Variants in UNC79 observed in about 807,000 individuals in gnomAD.
The protein encoded by UNC79 is protein unc-79 homolog.
In UNC79, 37 loss-of-function variants were observed where a neutral mutation model predicts 283.1. The observed-to-expected ratio is 0.13, with a 90% CI of 0.10 to 0.17. The LOEUF (loss-of-function observed/expected upper bound fraction) is 0.17, where lower values mean the gene tolerates loss of function less well. Ranked by LOEUF, UNC79 falls within the 10% of genes least tolerant of loss-of-function variation. UNC79 has a pLI of 1.00. For missense variants in UNC79, 2,272 were observed against 3,211.1 expected, an observed-to-expected ratio of 0.71 and a Z score of 7.07; for synonymous variants, 1,107 against 1,200.2, an observed-to-expected ratio of 0.92 and a Z score of 1.61.
At chr14:93,482,974 A>G (rs778663807) in intron 4 of UNC79, among the ~76,000 whole-genome samples, 3 of 152,004 alleles carry the variant, frequency 2.0e-5, no homozygotes, top group African/African-American at 4.8e-5. Flanking sequence ...TTCAATTACT[A>G]CATCTCCTTG....
intron 1 of UNC79, among the ~76,000 whole-genome samples, chr14:93,366,863 G>A (rs1179653169): frequency 2.0e-5 from 3 of 152,138 alleles, no homozygotes; most frequent in Non-Finnish European, 2.9e-5. Flanking sequence ...GTGAGCCACC[G>A]TGCCCAGCCT....
intron 1 of UNC79, among the ~76,000 whole-genome samples, chr14:93,372,243 A>G (rs1459332947): frequency 6.6e-6 from 1 of 152,230 alleles, no homozygotes; most frequent in African/African-American, 2.4e-5. Context: ...TTATGTTCAT[A>G]TGTGTATAAG....
chr14:93,637,376 G>A (rs1014285719), intron 32 of UNC79, 77 bp downstream of exon 35: 1 of 1,578,644 alleles, frequency 6.3e-7, no homozygotes, highest in Non-Finnish European at 8.6e-7. Flanking sequence ...CACCCAGCAG[G>A]TGCAGGCTTT....
At chr14:93,694,020 A>G (rs766850912) in intron 46 of UNC79, among the ~76,000 whole-genome samples, 100 of 152,324 alleles carry the variant, frequency 6.6e-4, no homozygotes, top group Middle Eastern at 3.4e-3. Flanking sequence ...TTAGAAATGA[A>G]GGCAACAGAG....
intron 1 of UNC79, among the ~76,000 whole-genome samples, chr14:93,377,364 G>A (rs2054583050): frequency 6.6e-6 from 1 of 152,104 alleles, no homozygotes; most frequent in Non-Finnish European, 1.5e-5. Flanking sequence ...AAAGTGCTGG[G>A]ATTACAGGTG....
chr14:93,570,709 A>G (rs2063163154), intron 14 of UNC79, among the ~76,000 whole-genome samples: 1 of 152,198 alleles, frequency 6.6e-6, no homozygotes. Context: ...ATGGGTAATT[A>G]GGACATTTGC....
chr14:93,430,912 A>G lies in UNC79; in HGVS notation c.-118A>G. 2.6e-6 allele frequency: 1 copy of G among 389,452 alleles called. No individual in the cohort carries two copies. The highest frequency in any genetic ancestry group is 4.9e-6 in the Non-Finnish European group (1 of 205,092). The allele number at this position is 389,452 out of a possible 1,614,324, so 24.1% of individuals were successfully genotyped here. On this transcript the variant is annotated 5_prime_UTR_variant, in exon 1 of 49. Coordinates refer to ENST00000555664, the Ensembl canonical transcript of UNC79. The surrounding 1 kb of genome is among the most constrained non-coding windows in gnomAD (Gnocchi z 4.6). ...AGCGACACGGGCCTAAGGGAGGGGG[A>G]AAGCGAGGGGGTGGGGGGTGGGGGG...
At chr14:93,454,811 C>G (rs1426998458) in intron 1 of UNC79, among the ~76,000 whole-genome samples, 1 of 152,136 alleles carries the variant, frequency 6.6e-6, no homozygotes, top group African/African-American at 2.4e-5. Flanking sequence ...TGCTGCCTAA[C>G]TTGTTGCTAA....
Position 93,474,128 on chromosome 14 carries a change from C to T in UNC79, c.183C>T (p.Ala61=). The change falls in exon 3 of 49, where the codon GCC becomes GCT. Residue 61 remains alanine (A), a synonymous_variant. Transcript: ENST00000555664. This position sits in a 1 kb window ranked among gnomAD's most constrained non-coding sequence, Gnocchi z 4.1. ...CAGGGAAGAAGGAAAACCAAGATGCCTCCAATTTGACAGTGCCCATGACCA... is the reference window on the plus strand; with the variant it reads ...CAGGGAAGAAGGAAAACCAAGATGCTTCCAATTTGACAGTGCCCATGACCA... 1 of 1,536,012 alleles carries T rather than the reference C, an allele frequency of 6.5e-7. No homozygotes were observed. The highest frequency in any genetic ancestry group is 8.7e-7 in the Non-Finnish European group (1 of 1,146,818).
chr14:93,463,788 A>C (rs887830832), intron 1 of UNC79, among the ~76,000 whole-genome samples: 1 of 152,180 alleles, frequency 6.6e-6, no homozygotes, highest in African/African-American at 2.4e-5. Flanking sequence ...GCTTAAGTGG[A>C]GATAGATCCA....
intron 1 of UNC79, among the ~76,000 whole-genome samples, chr14:93,466,593 G>C (rs1293838130): frequency 6.6e-6 from 1 of 152,198 alleles, no homozygotes; most frequent in African/African-American, 2.4e-5. Flanking sequence ...CTTATCAAAA[G>C]GATTTTGAGT....
chr14:93,702,705 G>A (rs1484291103), intron 47 of UNC79, among the ~76,000 whole-genome samples: 1 of 152,154 alleles, frequency 6.6e-6, no homozygotes, highest in Non-Finnish European at 1.5e-5. Flanking sequence ...TTACATCAGT[G>A]TCCCCCAGTT....
intron 7 of UNC79, among the ~76,000 whole-genome samples, chr14:93,505,809 CTCTACTAT>C (rs2059509552): frequency 6.6e-6 from 1 of 150,810 alleles, no homozygotes; most frequent in African/African-American, 2.4e-5. Flanking sequence ...TTATTTAGTC[CTCTACTAT>C]TCTTTCAATC....
chr14:93,463,081 C>T (rs2057018521), intron 1 of UNC79, among the ~76,000 whole-genome samples: 1 of 151,876 alleles, frequency 6.6e-6, no homozygotes, highest in African/African-American at 2.4e-5. Context: ...ACTTAGATAT[C>T]AACTAATAGG....
chr14:93,341,471 A>G (rs1477428608), intron 1 of UNC79, among the ~76,000 whole-genome samples: 1 of 152,020 alleles, frequency 6.6e-6, no homozygotes, highest in Non-Finnish European at 1.5e-5. Context: ...AAGAAAAAAA[A>G]TGATGAAAAG....
At chr14:93,631,019 C>A in intron 31 of UNC79, 111 bp downstream of exon 33, 1 of 989,506 alleles carries the variant, frequency 1.0e-6, no homozygotes, top group Non-Finnish European at 1.5e-6. Flanking sequence ...TTTAATGTTG[C>A]ATCAGCTTCC....
At chr14:93,619,401 G>A (rs1200870722) in intron 29 of UNC79, among the ~76,000 whole-genome samples, 1 of 152,138 alleles carries the variant, frequency 6.6e-6, no homozygotes, top group East Asian at 1.9e-4. Context: ...AGTCTTGAGT[G>A]TTCAATGCAT....
At chr14:93,642,810 T>C (rs1256112644) in intron 33 of UNC79, among the ~76,000 whole-genome samples, 1 of 152,210 alleles carries the variant, frequency 6.6e-6, no homozygotes, top group Non-Finnish European at 1.5e-5. Flanking sequence ...CAACAACAGT[T>C]GTAGTTCTTG....
chr14:93,442,412 T>A (rs1378427101), intron 1 of UNC79, among the ~76,000 whole-genome samples: 2 of 152,208 alleles, frequency 1.3e-5, no homozygotes, highest in Non-Finnish European at 2.9e-5. Context: ...AGAGTTTTTT[T>A]AGAATTACCC....
Sources: gnomAD v4.1 joint callset for allele counts (sites outside exome capture counted in the v4.1 genomes callset) on GRCh38, gnomAD v4.1.1 for gene constraint, Gnocchi (gnomAD v3.1) non-coding constraint, MANE v1.5 for transcripts, NCBI Gene and HGNC (gene_info 2026-07-23, HGNC 2026-07-21) for gene names.